RBPMS2: variants seen among roughly 807,000 people sequenced by gnomAD.
The protein encoded by RBPMS2 is RNA-binding protein with multiple splicing 2.
A neutral mutation model predicts 25.7 loss-of-function variants in RBPMS2; 14 were observed. That is an observed-to-expected ratio of 0.55 (90% CI 0.36 to 0.85). RBPMS2 has a LOEUF of 0.85. RBPMS2 is among the 40% of genes least tolerant of loss of function. The pLI, the probability that RBPMS2 is intolerant of heterozygous loss-of-function variation, is 0.01. For synonymous variants in RBPMS2, 127 were observed against 115.6 expected (o/e 1.10, Z -0.63); for missense variants, 252 against 283.4 (o/e 0.89, Z 0.80).
At chr15:64,756,875 T>C (rs1386687185) in intron 1 of RBPMS2, among the ~76,000 whole-genome samples, 2 of 150,364 alleles carry the variant, frequency 1.3e-5, no homozygotes, top group Non-Finnish European at 3.0e-5. Flanking sequence ...CTCAAGGAGT[T>C]CCTTGAGGTC....
In RBPMS2 at chr15:64,744,333, C is replaced by T. The variant is rs566381678; in HGVS notation, c.568-3091G>A. 5.9e-4 allele frequency among the ~76,000 whole-genome samples: 89 copies of T among 151,836 alleles called. 1 individual carries two copies. The highest frequency in any genetic ancestry group is 4.6e-3 in the South Asian group (22 of 4,820). ...CAGCACTTTGGGAGGCCGAGGCGGA[C>T]GGATCACCTGAGGTCGAGAGTTCGA... is the stretch of plus-strand genomic sequence containing the variant. On this transcript the variant is annotated intron_variant, in intron 6 of 7. Transcript: ENST00000300069.
At chr15:64,773,153 G>A (rs2083904073) in intron 1 of RBPMS2, among the ~76,000 whole-genome samples, 2 of 152,204 alleles carry the variant, frequency 1.3e-5, no homozygotes, top group South Asian at 4.1e-4. Flanking sequence ...GTAAACCACT[G>A]CTAACGCTGA....
intron 6 of RBPMS2, among the ~76,000 whole-genome samples, chr15:64,742,913 T>G (rs1423705707): frequency 6.6e-6 from 1 of 152,144 alleles, no homozygotes; most frequent in African/African-American, 2.4e-5. Context: ...CCCGCCAAAT[T>G]CTAGGTGCTG....
At chr15:64,742,702 G>A (rs147615919) in intron 6 of RBPMS2, among the ~76,000 whole-genome samples, 12 of 152,306 alleles carry the variant, frequency 7.9e-5, no homozygotes, top group African/African-American at 2.9e-4. Flanking sequence ...GAGGGGAGCT[G>A]GAGTCCCCTC....
chr15:64,767,471 A>ATCCT (rs2083857221), intron 1 of RBPMS2, among the ~76,000 whole-genome samples: 1 of 152,150 alleles, frequency 6.6e-6, no homozygotes, highest in Admixed American at 6.6e-5. Flanking sequence ...TTGGACCAGG[A>ATCCT]GCTCAGTACT....
At chr15:64,750,803 G>A (rs2083670257) in intron 2 of RBPMS2, among the ~76,000 whole-genome samples, 1 of 152,170 alleles carries the variant, frequency 6.6e-6, no homozygotes, top group African/African-American at 2.4e-5. Context: ...ACTTTGGGAG[G>A]CCGAGGCGGG....
chr15:64,774,605 C>T (rs2083914651), intron 1 of RBPMS2, among the ~76,000 whole-genome samples: 1 of 137,820 alleles, frequency 7.3e-6, no homozygotes, highest in Non-Finnish European at 1.6e-5. Context: ...AGGAGAAGGA[C>T]GAACTGAGTG....
intron 6 of RBPMS2, among the ~76,000 whole-genome samples, chr15:64,744,559 A>AG (rs1281071545): frequency 2.1e-4 from 1 of 4,756 alleles, no homozygotes; most frequent in East Asian, 0.071. Context: ...ACTCTGTCTC[A>AG]AAAAAAAAAA....
chr15:64,746,176 G>A (rs2083616918), intron 6 of RBPMS2, among the ~76,000 whole-genome samples: 1 of 152,138 alleles, frequency 6.6e-6, no homozygotes, highest in Non-Finnish European at 1.5e-5. Flanking sequence ...CAGAGAGTTT[G>A]AGTAGCAAGG....
rs559493069 is a variant in RBPMS2, at chr15:64,740,532, G to A, written c.*476C>T. 2.1e-3 allele frequency: 310 copies of A among 148,470 alleles called. 2 individuals carry two copies. Among genetic ancestry groups the A allele is most frequent in the Admixed American group, 4.8e-3 (72 of 15,100 alleles). 9.2% of individuals were successfully genotyped at this position (148,470 alleles called of 1,614,324 possible). A position where few individuals can be genotyped will look rare whatever the true frequency, so the allele number is the denominator to read the frequency against. On this transcript the variant is annotated 3_prime_UTR_variant, in exon 8 of 8. Coordinates refer to ENST00000300069, the MANE Select transcript of RBPMS2 (RefSeq NM_194272.3). ...AGCGGGGTGGGTGCAGGGGCGGGGC[G>A]AGGAGAGAGGGGCAGGCAGGATGAA...
chr15:64,774,732 A>AGCCGGCCGGCGGGCCG (rs1555431935), intron 1 of RBPMS2, among the ~76,000 whole-genome samples: 1 of 147,068 alleles, frequency 6.8e-6, no homozygotes, highest in Non-Finnish European at 1.5e-5. Flanking sequence ...GGAACCGAGG[A>AGCCGGCCGGCGGGCCG]GCCGGCCGGC....
At chr15:64,760,218 G>C (rs2083771360) in intron 1 of RBPMS2, among the ~76,000 whole-genome samples, 2 of 152,302 alleles carry the variant, frequency 1.3e-5, no homozygotes, top group African/African-American at 4.8e-5. Context: ...TGAAGAACAG[G>C]ACTGGGACAT....
chr15:64,754,464 T>C (rs768650718), intron 1 of RBPMS2, among the ~76,000 whole-genome samples: 2 of 151,776 alleles, frequency 1.3e-5, no homozygotes, highest in Non-Finnish European at 2.9e-5. Context: ...AATACAAAAT[T>C]AGCTGGGTGT....
chr15:64,762,328 T>C (rs1030523752), intron 1 of RBPMS2: 14 of 516,994 alleles, frequency 2.7e-5, no homozygotes, highest in Non-Finnish European at 5.5e-5. Flanking sequence ...TGAGTGGCCT[T>C]GTGCCCCACT....
chr15:64,755,767 C>T (rs952452065), intron 1 of RBPMS2, among the ~76,000 whole-genome samples: 5 of 152,170 alleles, frequency 3.3e-5, no homozygotes, highest in Non-Finnish European at 7.3e-5. Flanking sequence ...GCAGGCTGAC[C>T]AGCCACATGT....
chr15:64,750,733 C>T (rs1277135370), intron 2 of RBPMS2, among the ~76,000 whole-genome samples: 2 of 152,210 alleles, frequency 1.3e-5, no homozygotes, highest in Non-Finnish European at 2.9e-5. Context: ...TATATAACCA[C>T]ATATATTTAA....
At chr15:64,769,100 C>CAAAAAAAAAAAAAAAAAA (rs1167404963) in intron 1 of RBPMS2, among the ~76,000 whole-genome samples, 1 of 27,684 alleles carries the variant, frequency 3.6e-5, no homozygotes, top group African/African-American at 1.1e-4. Flanking sequence ...GACTTCGTCT[C>CAAAAAAAAAAAAAAAAAA]AAAAAAAAAA....
chr15:64,772,916 G>C (rs1359443015), intron 1 of RBPMS2, among the ~76,000 whole-genome samples: 2 of 152,050 alleles, frequency 1.3e-5, no homozygotes, highest in Non-Finnish European at 2.9e-5. Context: ...AAGCCTATAG[G>C]TAAGGTAGTC....
intron 6 of RBPMS2, among the ~76,000 whole-genome samples, chr15:64,744,494 G>A (rs2083594533): frequency 2.0e-5 from 3 of 149,336 alleles, no homozygotes; most frequent in Non-Finnish European, 4.4e-5. Context: ...GGAGGCGGAG[G>A]TTGAGGTGAG....
Sources: allele counts gnomAD v4.1 joint callset (sites outside exome capture counted in the v4.1 genomes callset), GRCh38; gene constraint gnomAD v4.1.1; transcripts MANE v1.5; gene names NCBI Gene and HGNC (gene_info 2026-07-23, HGNC 2026-07-21).